The following CCDC15 variants were observed in gnomAD, a reference collection of about 807,000 sequenced individuals.
The protein encoded by CCDC15 is coiled-coil domain-containing protein 15.
A neutral mutation model predicts 114.5 loss-of-function variants in CCDC15; 105 were observed. The ratio of observed to expected loss-of-function variants is 0.92; its 90% CI spans 0.78 to 1.08. The LOEUF is 1.08. CCDC15 is among the 50% of genes least tolerant of loss of function. The pLI, the probability that CCDC15 is intolerant of heterozygous loss-of-function variation, is 0.00. For synonymous variants in CCDC15, 334 were observed against 377.8 expected, an observed-to-expected ratio of 0.88 and a Z score of 1.34; for missense variants, 1,105 against 1,093.6, an observed-to-expected ratio of 1.01 and a Z score of -0.15.
chr11:125,036,606 C>A (rs1948775812), intron 13 of CCDC15, among the ~76,000 whole-genome samples: 3 of 143,648 alleles, frequency 2.1e-5, no homozygotes, highest in Admixed American at 2.1e-4. Context: ...CTTAGATTTG[C>A]CCTTTTGAAG....
intron 10 of CCDC15, among the ~76,000 whole-genome samples, 156 bp from the exon 11 acceptor site, chr11:124,993,013 G>A (rs1463849580): frequency 6.6e-6 from 1 of 151,770 alleles, no homozygotes; most frequent in Non-Finnish European, 1.5e-5. Flanking sequence ...ATGCAAGTTT[G>A]GAAATTTTTA....
intron 11 of CCDC15, among the ~76,000 whole-genome samples, chr11:124,996,372 T>C (rs911429525): frequency 6.6e-6 from 1 of 152,184 alleles, no homozygotes; most frequent in African/African-American, 2.4e-5. Context: ...TTTTTGTTGC[T>C]ATTATTACTT....
rs895110135 is a variant in CCDC15, at chr11:124,993,261, T to C, written c.2214+18T>C. ...TGCCCTTGGTATGTTTCACACAATATTCAAGATCTAGTCTCTTCTAGAGAA... is the reference window on the plus strand; with the variant it reads ...TGCCCTTGGTATGTTTCACACAATACTCAAGATCTAGTCTCTTCTAGAGAA... On this transcript the variant is annotated intron_variant, in intron 11 of 15. Coordinates refer to ENST00000344762, the MANE Select transcript of CCDC15 (RefSeq NM_025004.3). 1 of 1,477,486 alleles carries C rather than the reference T, an allele frequency of 6.8e-7. No homozygotes were observed. Among genetic ancestry groups the C allele is most frequent in the Non-Finnish European group, 9.4e-7 (1 of 1,061,812 alleles). 91.5% of individuals were successfully genotyped at this position (1,477,486 alleles called of 1,614,324 possible). A position where few individuals can be genotyped will look rare whatever the true frequency, so the allele number is the denominator to read the frequency against.
In CCDC15 at chr11:124,974,953, A is replaced by G. The variant is rs1334536302; in HGVS notation, c.517-143A>G. On this transcript the variant is annotated intron_variant, in intron 4 of 15. Coordinates refer to ENST00000344762, the MANE Select transcript of CCDC15 (RefSeq NM_025004.3). ...GTTGTACCACACTATCAGCACATCAAAGTCTCCTTTGCAAGTAATCCTGTT... is the reference window on the plus strand; with the variant it reads ...GTTGTACCACACTATCAGCACATCAGAGTCTCCTTTGCAAGTAATCCTGTT... 9.5e-6 allele frequency: 5 copies of G among 527,798 alleles called. No individual in the cohort carries two copies. In the East Asian group the frequency reaches 1.0e-4, roughly 11 times the overall value. The allele number at this position is 527,798 out of a possible 1,614,324, so 32.7% of individuals were successfully genotyped here.
At chr11:124,980,364 C>A (rs895978061) in intron 6 of CCDC15, among the ~76,000 whole-genome samples, 2 of 152,278 alleles carry the variant, frequency 1.3e-5, no homozygotes, top group Non-Finnish European at 2.9e-5. Flanking sequence ...TTCTTTATAA[C>A]ATCTGGTAGA....
chr11:124,984,411 C>T (rs1948123210), intron 6 of CCDC15, among the ~76,000 whole-genome samples: 2 of 152,086 alleles, frequency 1.3e-5, no homozygotes, highest in Non-Finnish European at 2.9e-5. Context: ...GGCTGGTAGA[C>T]AGGGGTGCAC....
At chr11:124,997,207 A>G (rs1948388401) in intron 11 of CCDC15, among the ~76,000 whole-genome samples, 2 of 152,222 alleles carry the variant, frequency 1.3e-5, no homozygotes, top group Admixed American at 1.3e-4. Flanking sequence ...TATCGAAAAA[A>G]TGTGGAAATG....
chr11:124,963,380 C>T (rs1188974288), intron 4 of CCDC15, among the ~76,000 whole-genome samples: 1 of 152,180 alleles, frequency 6.6e-6, no homozygotes, highest in African/African-American at 2.4e-5. Context: ...ATTTACATTT[C>T]TCTGATGGCC....
At chr11:124,986,345 C>T (rs942105379) in intron 6 of CCDC15, among the ~76,000 whole-genome samples, 1 of 152,136 alleles carries the variant, frequency 6.6e-6, no homozygotes, top group Non-Finnish European at 1.5e-5. Flanking sequence ...CCTTGCATTT[C>T]CATCTGAATT....
chr11:124,999,091 C>G (rs1002339990), intron 11 of CCDC15, among the ~76,000 whole-genome samples: 1 of 151,976 alleles, frequency 6.6e-6, no homozygotes, highest in Non-Finnish European at 1.5e-5. Context: ...AACATTTTTC[C>G]ACTGTCTTCT....
chr11:125,025,509 TA>T (rs1480066212), intron 13 of CCDC15, among the ~76,000 whole-genome samples: 2 of 152,040 alleles, frequency 1.3e-5, no homozygotes, highest in East Asian at 3.8e-4. Flanking sequence ...GTTTAGTGCT[TA>T]AATGTTTGGT....
intron 4 of CCDC15, among the ~76,000 whole-genome samples, chr11:124,962,563 A>G (rs1947686810): frequency 6.6e-6 from 1 of 152,082 alleles, no homozygotes; most frequent in African/African-American, 2.4e-5. Context: ...AGTTTTCCAT[A>G]GGTTTGAATT....
intron 2 of CCDC15, among the ~76,000 whole-genome samples, chr11:124,956,648 A>G (rs945918510): frequency 4.6e-5 from 7 of 152,246 alleles, no homozygotes; most frequent in African/African-American, 1.4e-4. Flanking sequence ...AGTATTGACT[A>G]TCGTATTCAC....
intron 8 of CCDC15, 46 bp downstream of exon 8, chr11:124,988,180 T>G: frequency 6.4e-7 from 1 of 1,556,254 alleles, no homozygotes; most frequent in Non-Finnish European, 8.7e-7. Context: ...AATAAGCTAC[T>G]TAGGGTTTGA....
rs1565368371 is a variant in CCDC15, at chr11:124,987,977, A to G, written c.1751A>G (p.Asp584Gly). 6.2e-7 allele frequency: 1 copy of G among 1,613,888 alleles called. No individual in the cohort carries two copies. Among genetic ancestry groups the G allele is most frequent in the African/African-American group, 1.3e-5 (1 of 75,042 alleles). Residue 584 changes from aspartate to glycine, a missense_variant, in exon 8 of 16, where the codon GAT becomes GGT. Asp to Gly is a moderately conservative substitution (Grantham distance 94). Coordinates refer to ENST00000344762, the MANE Select transcript of CCDC15 (RefSeq NM_025004.3). ...QNILPICQDQ[D>G]FLPRDQGYLP... ...ATTCTACCCATATGTCAGGACCAGG[A>G]TTTTCTACCCAGAGACCAAGGTTAT...
chr11:124,983,248 A>G lies in CCDC15; in HGVS notation c.754-3494A>G, dbSNP rs76425035. ...TTTTAACTTTCTCCTGAATGTCGAT[A>G]TTTTTGTTCCTATCCATGTTCTGAT... On this transcript the variant is annotated intron_variant, in intron 6 of 15. Transcript: ENST00000344762. Among the ~76,000 whole-genome samples, 300 of 152,212 alleles carry G rather than the reference A, an allele frequency of 2.0e-3. 1 individual carries two copies. Among genetic ancestry groups the G allele is most frequent in the African/African-American group, 6.9e-3 (286 of 41,556 alleles).
chr11:124,992,511 T>C, intron 9 of CCDC15, 69 bp from the exon 10 acceptor site: 1 of 856,492 alleles, frequency 1.2e-6, no homozygotes, highest in Non-Finnish European at 1.9e-6. Flanking sequence ...CTGAAGCTTA[T>C]GATATTATGA....
chr11:125,023,551 A>G (rs1948675906), intron 13 of CCDC15, among the ~76,000 whole-genome samples: 2 of 152,168 alleles, frequency 1.3e-5, no homozygotes, highest in South Asian at 4.1e-4. Context: ...AAGATGCTCA[A>G]ATCATAGTTA....
chr11:124,955,959 A>G (rs1947541201), intron 2 of CCDC15, among the ~76,000 whole-genome samples: 1 of 152,186 alleles, frequency 6.6e-6, no homozygotes, highest in South Asian at 2.1e-4. Context: ...GAAGAATTTG[A>G]TCGGAGAAGG....
Sources: gnomAD v4.1 joint callset for allele counts (sites outside exome capture counted in the v4.1 genomes callset) on GRCh38, gnomAD v4.1.1 for gene constraint, MANE v1.5 for transcripts, NCBI Gene and HGNC (gene_info 2026-07-23, HGNC 2026-07-21) for gene names.